The following EFHD1 variants were observed in gnomAD, a reference collection of about 807,000 sequenced individuals.
EFHD1 encodes EF-hand domain-containing protein D1.
Under a neutral mutation model 17.2 loss-of-function variants are expected in EFHD1, and 10 were observed. The observed-to-expected ratio is 0.58, with a 90% CI of 0.36 to 0.99. The LOEUF (loss-of-function observed/expected upper bound fraction) is 0.99, where lower values mean the gene tolerates loss of function less well. EFHD1 is among the 50% of genes least tolerant of loss of function. The pLI, the probability that EFHD1 is intolerant of heterozygous loss-of-function variation, is 0.01. For missense variants in EFHD1, 310 were observed against 327.5 expected, an observed-to-expected ratio of 0.95 and a Z score of 0.41; for synonymous variants, 153 against 142.0, an observed-to-expected ratio of 1.08 and a Z score of -0.55.
upstream of EFHD1, among the ~76,000 whole-genome samples, chr2:232,632,880 C>G (rs1694228013): frequency 6.6e-6 from 1 of 152,222 alleles, no homozygotes; most frequent in Non-Finnish European, 1.5e-5. Flanking sequence ...GCCACCAACA[C>G]CTAAGTGTTG....
At position 232,640,680 on chromosome 2, in the gene EFHD1, C is replaced by T. The variant is rs116708157; in HGVS notation, c.302+6674C>T. 4.5e-3 allele frequency among the ~76,000 whole-genome samples: 688 copies of T among 152,208 alleles called. 4 individuals are homozygous for T. Among genetic ancestry groups the T allele is most frequent in the African/African-American group, 0.015 (632 of 41,532 alleles). ...TTTGGATGGGAGGGATGTCACTCCC[C>T]GAGAAGCCACCCACCACCCACATAC... On this transcript the variant is annotated intron_variant, in intron 1 of 3. Coordinates refer to ENST00000264059, the MANE Select transcript of EFHD1 (RefSeq NM_025202.4).
intron 1 of EFHD1, among the ~76,000 whole-genome samples, chr2:232,649,235 A>G (rs1329890448): frequency 6.6e-6 from 1 of 152,114 alleles, no homozygotes; most frequent in East Asian, 1.9e-4. Context: ...TTGGGGTCGG[A>G]GTCACCTCGG....
intron 1 of EFHD1, among the ~76,000 whole-genome samples, chr2:232,627,052 ATATATATATATAT>A (rs1231725771): frequency 3.8e-5 from 4 of 106,368 alleles, no homozygotes; most frequent in Middle Eastern, 3.7e-3. Context: ...ATATATATAT[ATATATATATATAT>A]TTTTTTTTTT....
intron 1 of EFHD1, among the ~76,000 whole-genome samples, chr2:232,615,312 A>AGTGTGTGTGT (rs35239145): frequency 0.032 from 4,432 of 136,456 alleles, 105 homozygotes; most frequent in South Asian, 0.11. Flanking sequence ...TGTCAACTAT[A>AGTGTGTGTGT]GTGTGTGTGT....
chr2:232,680,563 A>G (rs901610049), intron 3 of EFHD1, among the ~76,000 whole-genome samples: 2 of 152,086 alleles, frequency 1.3e-5, no homozygotes, highest in Admixed American at 1.3e-4. Flanking sequence ...AAAAATTATT[A>G]TTATTTTGAG....
At chr2:232,659,551 C>T (rs966282713) in intron 1 of EFHD1, among the ~76,000 whole-genome samples, 3 of 152,066 alleles carry the variant, frequency 2.0e-5, no homozygotes, top group African/African-American at 7.2e-5. Context: ...CCAGCCTGAC[C>T]TTGGGAGCCT....
In EFHD1 at chr2:232,675,383, G is replaced by A. The variant is rs528225769; in HGVS notation, c.585+2940G>A. ...AGGATGGCTCCCAGCTACACTAGAC[G>A]CTATTGGACAGAGAGCTCCAGCCTC... On this transcript the variant is annotated intron_variant, in intron 3 of 3. Coordinates refer to ENST00000264059, the MANE Select transcript of EFHD1 (RefSeq NM_025202.4). 6.6e-5 allele frequency among the ~76,000 whole-genome samples: 10 copies of A among 152,268 alleles called. No homozygotes were observed. The South Asian group carries it at 1.2e-3, about 19-fold the overall frequency.
At chr2:232,663,488 G>A (rs542845538) in intron 2 of EFHD1, among the ~76,000 whole-genome samples, 14 of 151,984 alleles carry the variant, frequency 9.2e-5, no homozygotes, top group African/African-American at 2.7e-4. Flanking sequence ...TTGTGCCTTA[G>A]CCTCCCAAGT....
intron 1 of EFHD1, among the ~76,000 whole-genome samples, chr2:232,626,595 C>T (rs1335628211): frequency 6.6e-6 from 1 of 152,092 alleles, no homozygotes; most frequent in Non-Finnish European, 1.5e-5. Flanking sequence ...TCCTTAAGTA[C>T]ACACCTTTTT....
upstream of EFHD1, among the ~76,000 whole-genome samples, chr2:232,629,612 G>A (rs148815596): frequency 1.3e-5 from 2 of 152,104 alleles, no homozygotes; most frequent in South Asian, 2.1e-4. Flanking sequence ...GGGACTACAG[G>A]TGCGTGTCAC....
Position 232,633,661 on chromosome 2 carries a change from C to G in EFHD1, c.-44C>G. 7.2e-7 allele frequency: 1 copy of G among 1,388,382 alleles called. No homozygotes were observed. Among genetic ancestry groups the G allele is most frequent in the Non-Finnish European group, 9.2e-7 (1 of 1,081,860 alleles). The allele number at this position is 1,388,382 out of a possible 1,614,324, so 86.0% of individuals were successfully genotyped here. The stretch of plus-strand genomic sequence containing the variant: ...CGCGCCGCCCGCCAGCTCCCTGCGT[C>G]CCGTCCCGCGTCCCCGCGTTCCCGC... On this transcript the variant is annotated 5_prime_UTR_variant, in exon 1 of 4. Transcript: ENST00000264059.
At chr2:232,645,716 C>T (rs575539741) in intron 1 of EFHD1, among the ~76,000 whole-genome samples, 30 of 152,268 alleles carry the variant, frequency 2.0e-4, no homozygotes, top group Admixed American at 5.2e-4. Flanking sequence ...CTGTGCTTAG[C>T]GATTTCCACA....
At chr2:232,620,249 G>A (rs367762620) in intron 1 of EFHD1, among the ~76,000 whole-genome samples, 64 of 151,792 alleles carry the variant, frequency 4.2e-4, no homozygotes, top group African/African-American at 1.1e-3. Flanking sequence ...TTAGCCGGGC[G>A]CGGTGGCAGG....
At chr2:232,639,139 C>T (rs1251151426) in intron 1 of EFHD1, among the ~76,000 whole-genome samples, 1 of 151,006 alleles carries the variant, frequency 6.6e-6, no homozygotes, top group Admixed American at 6.6e-5. Context: ...TTCCTCGCTC[C>T]ACACCTCCCT....
intron 1 of EFHD1, among the ~76,000 whole-genome samples, chr2:232,655,347 T>C (rs1271901131): frequency 6.6e-6 from 1 of 152,174 alleles, no homozygotes; most frequent in African/African-American, 2.4e-5. Flanking sequence ...GGGCCACCCC[T>C]TCTAAGGCTG....
At chr2:232,641,659 T>G (rs1019078688) in intron 1 of EFHD1, among the ~76,000 whole-genome samples, 4 of 152,242 alleles carry the variant, frequency 2.6e-5, no homozygotes, top group Non-Finnish European at 5.9e-5. Context: ...GGCATGGCTG[T>G]GTTCCTGTAA....
At chr2:232,635,539 C>A (rs1275474691) in intron 1 of EFHD1, among the ~76,000 whole-genome samples, 1 of 152,154 alleles carries the variant, frequency 6.6e-6, no homozygotes, top group African/African-American at 2.4e-5. Flanking sequence ...CAAAGGGGAG[C>A]CGGGCACAGT....
chr2:232,606,291 AGGGCACTCCCGGCCCTCGC>A, intron 1 of EFHD1: 1 of 1,260,574 alleles, frequency 7.9e-7, no homozygotes, highest in Non-Finnish European at 1.1e-6. Flanking sequence ...TCGCCACCGG[AGGGCACTCCCGGCCCTCGC>A]TTCCCTGCCC....
At position 232,633,979 on chromosome 2, in the gene EFHD1, T is replaced by C. The variant is rs767042859; in HGVS notation, c.275T>C (p.Ile92Thr). 3.6e-5 allele frequency: 58 copies of C among 1,597,390 alleles called. No homozygotes were observed. Among genetic ancestry groups the C allele is most frequent in the Non-Finnish European group, 4.5e-5 (53 of 1,179,180 alleles). Residue 92 changes from isoleucine to threonine, a missense_variant, in exon 1 of 4, where the codon ATC becomes ACC. By Grantham distance (89) the Ile-to-Thr change is moderately conservative. Coordinates refer to ENST00000264059, the MANE Select transcript of EFHD1 (RefSeq NM_025202.4). ...TEFPEFSRRL[I>T]KDLESMFKLY... ...TTCCCGGAGTTCAGCCGCCGCCTCA[T>C]CAAGGACCTGGAGAGCATGTTCAAA...
Sources: allele counts gnomAD v4.1 joint callset (sites outside exome capture counted in the v4.1 genomes callset), GRCh38; gene constraint gnomAD v4.1.1; transcripts MANE v1.5; gene names NCBI Gene and HGNC (gene_info 2026-07-23, HGNC 2026-07-21).